The following UBLCP1 variants were observed in gnomAD, a reference collection of about 807,000 sequenced individuals.
The protein encoded by UBLCP1 is ubiquitin like domain containing CTD phosphatase 1.
In UBLCP1, 28 loss-of-function variants were observed where a neutral mutation model predicts 42.4. The ratio of observed to expected loss-of-function variants is 0.66; its 90% CI spans 0.49 to 0.90. UBLCP1 has a LOEUF of 0.90. UBLCP1 is among the 40% of genes least tolerant of loss of function. UBLCP1 has a pLI of 0.00. For missense variants in UBLCP1, 279 were observed against 374.5 expected (o/e 0.75, Z 2.10); for synonymous variants, 122 against 120.8 (o/e 1.01, Z -0.07).
Position 159,269,086 on chromosome 5 carries a change from T to A in UBLCP1, c.154+17T>A. The A allele has an allele frequency of 3.3e-6, 5 of 1,495,482 alleles. No individual in the cohort carries two copies. The highest frequency in any genetic ancestry group is 4.4e-6 in the Non-Finnish European group (5 of 1,126,902). The allele number at this position is 1,495,482 out of a possible 1,614,324, so 92.6% of individuals were successfully genotyped here. A position where few individuals can be genotyped will look rare whatever the true frequency, so the allele number is the denominator to read the frequency against. On this transcript the variant is annotated intron_variant, in intron 2 of 10. Coordinates refer to ENST00000296786, the MANE Select transcript of UBLCP1 (RefSeq NM_145049.5). The stretch of plus-strand genomic sequence containing the variant: ...AAGTTAAAGGTAATTCTCTCCCCTC[T>A]TCAGATTTTTTGCATTGAATTTTTA...
At chr5:159,265,325 A>G (rs907477540) in intron 1 of UBLCP1, among the ~76,000 whole-genome samples, 2 of 152,250 alleles carry the variant, frequency 1.3e-5, no homozygotes, top group Non-Finnish European at 1.5e-5. Flanking sequence ...GTTTCATCAA[A>G]TAAGTGAAAG....
chr5:159,273,797 A>G (rs1753499877), intron 6 of UBLCP1, among the ~76,000 whole-genome samples: 1 of 150,320 alleles, frequency 6.7e-6, no homozygotes, highest in Non-Finnish European at 1.5e-5. Context: ...AAGATTTTTT[A>G]TTTTGAGAAC....
intron 10 of UBLCP1, 22 bp from the exon 11 acceptor site, chr5:159,284,882 A>T: frequency 1.2e-6 from 2 of 1,612,506 alleles, no homozygotes; most frequent in South Asian, 2.2e-5. Flanking sequence ...CAGCTTTGAC[A>T]TCTTTATTTT....
intron 8 of UBLCP1, 157 bp downstream of exon 8, chr5:159,275,403 ATTTTTTTTT>A (rs56675251): frequency 3.6e-5 from 6 of 164,404 alleles, no homozygotes; most frequent in East Asian, 4.4e-4. Flanking sequence ...AGGTTAAAAG[ATTTTTTTTT>A]TTTTTTTTTT....
At chr5:159,281,112 A>T (rs140808203) in intron 9 of UBLCP1, among the ~76,000 whole-genome samples, 2 of 152,204 alleles carry the variant, frequency 1.3e-5, no homozygotes, top group Non-Finnish European at 2.9e-5. Flanking sequence ...TAGAACCAGA[A>T]TCATTAGAAT....
Position 159,263,354 on chromosome 5 carries a change from G to T in UBLCP1, c.-53G>T. On this transcript the variant is annotated 5_prime_UTR_variant, in exon 1 of 11. Coordinates refer to ENST00000296786, the MANE Select transcript of UBLCP1 (RefSeq NM_145049.5). ...CGTCCGCTGCCGCAGGTTCCACCGCGCTCCAGGTGAGGGGTTGCGGGGCAC... is the reference window on the plus strand; with the variant it reads ...CGTCCGCTGCCGCAGGTTCCACCGCTCTCCAGGTGAGGGGTTGCGGGGCAC... The T allele has an allele frequency of 6.6e-6, 1 of 152,412 alleles. No homozygotes were observed. The highest frequency in any genetic ancestry group is 1.5e-5 in the Non-Finnish European group (1 of 68,054). 9.4% of individuals were successfully genotyped at this position (152,412 alleles called of 1,614,324 possible).
chr5:159,276,627 A>G (rs1434778530), intron 8 of UBLCP1, among the ~76,000 whole-genome samples: 1 of 152,230 alleles, frequency 6.6e-6, no homozygotes, highest in Non-Finnish European at 1.5e-5. Context: ...TGCTACCCAT[A>G]TAAGGGACTG....
chr5:159,269,843 A>T (rs1753441758), intron 2 of UBLCP1, 65 bp from the exon 3 acceptor site: 21 of 1,287,644 alleles, frequency 1.6e-5, no homozygotes, highest in Non-Finnish European at 2.0e-5. Context: ...AGGGTTTTAT[A>T]TAATGGAATA....
chr5:159,270,039 A>G, intron 3 of UBLCP1, 40 bp downstream of exon 3: 1 of 1,516,586 alleles, frequency 6.6e-7, no homozygotes, highest in Non-Finnish European at 9.1e-7. Context: ...CCATTTGAAG[A>G]TATTATGATT....
intron 9 of UBLCP1, among the ~76,000 whole-genome samples, chr5:159,281,542 G>T (rs1406858798): frequency 6.6e-6 from 1 of 152,144 alleles, no homozygotes; most frequent in African/African-American, 2.4e-5. Context: ...TTTCTGAGGA[G>T]ACTCCCTTTG....
intron 9 of UBLCP1, 66 bp downstream of exon 9, chr5:159,278,420 A>G (rs1753564404): frequency 2.8e-6 from 3 of 1,058,722 alleles, no homozygotes; most frequent in Admixed American, 1.7e-5. Context: ...CTTTTGTAGT[A>G]AGCACTGTTG....
chr5:159,273,715 A>G (rs1193699294), intron 6 of UBLCP1, among the ~76,000 whole-genome samples: 2 of 152,084 alleles, frequency 1.3e-5, no homozygotes, highest in Admixed American at 6.5e-5. Flanking sequence ...ATAGTCTTTA[A>G]AATTTTAGCT....
chr5:159,270,585 G>A lies in UBLCP1; in HGVS notation c.390G>A (p.Leu130=). Residue 130 remains leucine (L), a synonymous_variant, in exon 5 of 11, where the codon TTG becomes TTA. Transcript: ENST00000296786. ...RRVKEYKVEI[L]NPPREGKKLL... is the part of the protein sequence containing the mutation. ...TGAAAGAGTACAAAGTGGAAATTTT[G>A]AATCCTCCCAGGGAAGGGAAAAAGC... 1 of 1,611,598 alleles carries A rather than the reference G, an allele frequency of 6.2e-7. No individual in the cohort carries two copies. The highest frequency in any genetic ancestry group is 8.5e-7 in the Non-Finnish European group (1 of 1,179,254).
chr5:159,283,289 G>C lies in UBLCP1; in HGVS notation c.879G>C (p.Glu293Asp). The C allele has an allele frequency of 6.2e-7, 1 of 1,604,336 alleles. No homozygotes were observed. Among genetic ancestry groups the C allele is most frequent in the Non-Finnish European group, 8.5e-7 (1 of 1,176,532 alleles). Residue 293 changes from glutamate to aspartate, a missense_variant, in exon 10 of 11, where the codon GAG becomes GAC. Glu to Asp is a conservative substitution (Grantham distance 45, BLOSUM62 2). Coordinates refer to ENST00000296786, the MANE Select transcript of UBLCP1 (RefSeq NM_145049.5). The part of the protein sequence containing the change: ...ELLKLTQYLK[E>D]IAKLDDFLDL... ...TAAAATTAACTCAGTACCTCAAGGA[G>C]ATAGCAAAATTAGATGACTTTTTGG...
At chr5:159,275,032 G>T in intron 7 of UBLCP1, 116 bp from the exon 8 acceptor site, 1 of 803,170 alleles carries the variant, frequency 1.2e-6, no homozygotes. Flanking sequence ...TTAGCAAGAT[G>T]TAGTGGCCAG....
In UBLCP1 at chr5:159,274,166, C is replaced by T. The variant is rs527623654; in HGVS notation, c.548-419C>T. On this transcript the variant is annotated intron_variant, in intron 6 of 10. Coordinates refer to ENST00000296786, the MANE Select transcript of UBLCP1 (RefSeq NM_145049.5). ...TGGTTTTCAACATAAACTTTTGACA[C>T]ATAACAATATGCTTATATTGACACT... 3.9e-5 allele frequency among the ~76,000 whole-genome samples: 6 copies of T among 152,248 alleles called. No homozygotes were observed. In the South Asian group the frequency reaches 1.2e-3, roughly 32 times the overall value.
At position 159,276,867 on chromosome 5, in the gene UBLCP1, C is replaced by G. The variant is rs188808506; in HGVS notation, c.685-1371C>G. The stretch of plus-strand genomic sequence containing the variant: ...AATGTATCAGAATATTGAGTTGTTG[C>G]CCTTGGTACTGACTAGATTATTGAT... On this transcript the variant is annotated intron_variant, in intron 8 of 10. Coordinates refer to ENST00000296786, the MANE Select transcript of UBLCP1 (RefSeq NM_145049.5). 4.0e-3 allele frequency among the ~76,000 whole-genome samples: 616 copies of G among 152,184 alleles called. 2 individuals are homozygous for G. The highest frequency in any genetic ancestry group is 0.024 in the Middle Eastern group (7 of 294).
At chr5:159,277,334 GA>G (rs1280969655) in intron 8 of UBLCP1, among the ~76,000 whole-genome samples, 3 of 151,826 alleles carry the variant, frequency 2.0e-5, no homozygotes, top group African/African-American at 4.8e-5. Flanking sequence ...ATTATAGGAG[GA>G]AAAAAATTTT....
At position 159,285,237 on chromosome 5, in the gene UBLCP1, CACACACAAA is replaced by C. The variant is rs1236937650; in HGVS notation, c.*307_*315del. On this transcript the variant is annotated 3_prime_UTR_variant, in exon 11 of 11. Coordinates refer to ENST00000296786, the MANE Select transcript of UBLCP1 (RefSeq NM_145049.5). ...ACACACACACACACACACACACACA[CACACACAAA>C]GTGGAGAAAAATGTATACTCAACAA... The C allele has an allele frequency of 9.3e-4, 219 of 235,976 alleles. No homozygotes were observed. The highest frequency in any genetic ancestry group is 3.3e-3 in the African/African-American group (119 of 35,568). The allele number at this position is 235,976 out of a possible 1,614,324, so 14.6% of individuals were successfully genotyped here. A position where few individuals can be genotyped will look rare whatever the true frequency, so the allele number is the denominator to read the frequency against.
Sources: gnomAD v4.1 joint callset for allele counts (sites outside exome capture counted in the v4.1 genomes callset) on GRCh38, gnomAD v4.1.1 for gene constraint, MANE v1.5 for transcripts, NCBI Gene and HGNC (gene_info 2026-07-23, HGNC 2026-07-21) for gene names.